MYLK4: variants seen among roughly 807,000 people sequenced by gnomAD.
MYLK4 encodes the protein caMLCK like.
Under a neutral mutation model 48.1 loss-of-function variants are expected in MYLK4, and 46 were observed. The observed-to-expected ratio is 0.96, with a 90% confidence interval of 0.75 to 1.22. MYLK4 has a LOEUF of 1.22. MYLK4 is among the 50% of genes most tolerant of loss of function. MYLK4 has a pLI of 0.00. For missense variants in MYLK4, 451 were observed against 486.1 expected (o/e 0.93, Z 0.68); for synonymous variants, 170 against 180.8 (o/e 0.94, Z 0.48).
intron 2 of MYLK4, among the ~76,000 whole-genome samples, chr6:2,747,904 C>A (rs535417109): frequency 1.3e-5 from 2 of 152,314 alleles, no homozygotes; most frequent in South Asian, 4.1e-4. Flanking sequence ...GTAGATATTT[C>A]TCCTTGGTCT....
chr6:2,699,788 T>A (rs11242796), intron 2 of MYLK4, among the ~76,000 whole-genome samples: 18,208 of 152,162 alleles, frequency 0.12, 1,193 homozygotes, highest in East Asian at 0.24. Flanking sequence ...TTTGAAAAGA[T>A]CAGCGCTTGA....
chr6:2,766,564 G>A, the MYLK4 span: 3 of 1,396,130 alleles, frequency 2.1e-6, no homozygotes, highest in Non-Finnish European at 2.8e-6. Flanking sequence ...GGATAAGGGG[G>A]TGCAGACTTG....
chr6:2,675,094 G>A lies in MYLK4; in HGVS notation c.1072C>T (p.His358Tyr), dbSNP rs143856526. The part of the protein sequence containing the change: ...WRISASEALK[H>Y]PWLSDHKLHS... ...AGCTTGTGGTCTGACAACCAGGGGTGCTTGAGAGCTTCGCTTGCACTTATT... is the reference window on the plus strand; with the variant it reads ...AGCTTGTGGTCTGACAACCAGGGGTACTTGAGAGCTTCGCTTGCACTTATT... The change falls in exon 11 of 13, where the codon CAC (histidine) becomes TAC (tyrosine). Residue 358 changes from histidine to tyrosine, a missense_variant. By Grantham distance (83) the His-to-Tyr change is moderately conservative. Coordinates refer to ENST00000274643, the MANE Select transcript of MYLK4 (RefSeq NM_001012418.5). The A allele has an allele frequency of 1.4e-5, 23 of 1,613,984 alleles. 1 individual carries two copies. The African/African-American group carries it at 1.9e-4, about 13-fold the overall frequency.
intron 2 of MYLK4, among the ~76,000 whole-genome samples, chr6:2,745,309 GA>G (rs374589438): frequency 1.8e-3 from 276 of 151,632 alleles, no homozygotes; most frequent in Middle Eastern, 6.8e-3. Flanking sequence ...ACTGACAAAA[GA>G]AAAAAAACCC....
At chr6:2,733,584 C>T (rs530694782) in intron 2 of MYLK4, among the ~76,000 whole-genome samples, 4 of 152,238 alleles carry the variant, frequency 2.6e-5, no homozygotes, top group South Asian at 2.1e-4. Context: ...AGGGGCAATG[C>T]GTAGTCAGCC....
intron 2 of MYLK4, among the ~76,000 whole-genome samples, chr6:2,713,578 T>C (rs1360313981): frequency 2.0e-5 from 3 of 152,144 alleles, no homozygotes; most frequent in Admixed American, 6.5e-5. Flanking sequence ...CATCCATGCA[T>C]GGCCCTGATA....
the MYLK4 span, chr6:2,765,922 C>G: frequency 6.9e-7 from 1 of 1,452,162 alleles, no homozygotes; most frequent in Non-Finnish European, 9.1e-7. Flanking sequence ...AGGAGGGCGA[C>G]GACGGCGGCG....
At chr6:2,727,460 C>G (rs573600537) in intron 2 of MYLK4, among the ~76,000 whole-genome samples, 1 of 152,254 alleles carries the variant, frequency 6.6e-6, no homozygotes, top group South Asian at 2.1e-4. Flanking sequence ...GATCCCTGCC[C>G]CCATGCACAA....
chr6:2,730,434 T>G (rs996591605), intron 2 of MYLK4, among the ~76,000 whole-genome samples: 1 of 152,194 alleles, frequency 6.6e-6, no homozygotes, highest in Non-Finnish European at 1.5e-5. Flanking sequence ...CAGCATTGAA[T>G]GAGGGGCTGT....
the MYLK4 span, chr6:2,770,046 T>G: frequency 6.3e-7 from 1 of 1,590,340 alleles, no homozygotes; most frequent in Non-Finnish European, 8.6e-7. Flanking sequence ...AAGGAAGGGA[T>G]AGCCAACTTA....
chr6:2,766,050 C>T, the MYLK4 span: 3 of 1,293,776 alleles, frequency 2.3e-6, no homozygotes, highest in Middle Eastern at 2.9e-4. Context: ...GGGAAGAGGC[C>T]GGCGGCCGCC....
At chr6:2,754,100 G>A (rs1040471036), upstream of MYLK4, among the ~76,000 whole-genome samples, 4 of 152,050 alleles carry the variant, frequency 2.6e-5, no homozygotes, top group East Asian at 1.9e-4. Flanking sequence ...AATGATACAG[G>A]TGTCTTATAA....
intron 1 of MYLK4, among the ~76,000 whole-genome samples, chr6:2,750,506 AACTACG>A (rs1293297691): frequency 6.6e-6 from 1 of 152,240 alleles, no homozygotes; most frequent in East Asian, 1.9e-4. Context: ...TTCTAAGGCA[AACTACG>A]ACTAAAATAC....
chr6:2,716,279 C>T (rs1582087362), intron 2 of MYLK4, among the ~76,000 whole-genome samples: 1 of 152,174 alleles, frequency 6.6e-6, no homozygotes, highest in East Asian at 1.9e-4. Flanking sequence ...TAAATCACCC[C>T]TTCATAGGGT....
intron 10 of MYLK4, among the ~76,000 whole-genome samples, chr6:2,677,509 G>A (rs1234495516): frequency 6.6e-6 from 1 of 152,198 alleles, no homozygotes; most frequent in Non-Finnish European, 1.5e-5. Context: ...CAGCGTGTTT[G>A]ATGGGTTAAT....
chr6:2,748,924 A>G (rs1319603125), intron 2 of MYLK4, among the ~76,000 whole-genome samples: 1 of 152,252 alleles, frequency 6.6e-6, no homozygotes, highest in Non-Finnish European at 1.5e-5. Context: ...CTAAAAGTGA[A>G]GTCGACTGCT....
At chr6:2,759,506 T>A in the MYLK4 span, among the ~76,000 whole-genome samples, 1 of 152,224 alleles carries the variant, frequency 6.6e-6, no homozygotes, top group Non-Finnish European at 1.5e-5. Context: ...TCTCCTATTT[T>A]CTTATCATTA....
the MYLK4 span, chr6:2,765,888 C>G: frequency 4.1e-6 from 6 of 1,452,084 alleles, no homozygotes; most frequent in East Asian, 1.8e-4. Context: ...CCGACGGCAG[C>G]CGAGAGCAGC....
At chr6:2,754,009 A>T (rs1764361783), upstream of MYLK4, among the ~76,000 whole-genome samples, 1 of 152,048 alleles carries the variant, frequency 6.6e-6, no homozygotes, top group African/African-American at 2.4e-5. Context: ...AAAAAAAAAA[A>T]AAAAAAGACA....
Sources: allele counts gnomAD v4.1 joint callset (sites outside exome capture counted in the v4.1 genomes callset), GRCh38; gene constraint gnomAD v4.1.1; transcripts MANE v1.5; gene names NCBI Gene and HGNC (gene_info 2026-07-23, HGNC 2026-07-21).